The following AMBP variants were observed in gnomAD, a reference collection of about 807,000 sequenced individuals.
AMBP encodes the protein alpha-1-microglobulin/bikunin precursor, also known as protein AMBP.
Under a neutral mutation model 46.3 loss-of-function variants are expected in AMBP, and 37 were observed. The ratio of observed to expected loss-of-function variants is 0.80; its 90% CI spans 0.61 to 1.05. The LOEUF is 1.05. Among genes scored for constraint, AMBP ranks in the 50% least tolerant of loss-of-function variants. The pLI is 0.00. For missense variants in AMBP, 475 were observed against 461.2 expected, an observed-to-expected ratio of 1.03 and a Z score of -0.27; for synonymous variants, 174 against 175.9, an observed-to-expected ratio of 0.99 and a Z score of 0.09.
chr9:114,076,538 C>A, intron 2 of AMBP, 60 bp downstream of exon 2: 3 of 1,589,730 alleles, frequency 1.9e-6, no homozygotes, highest in South Asian at 2.3e-5. Context: ...ATGGACGGGG[C>A]TGGGAAGGTT....
chr9:114,060,273 G>C lies in AMBP; in HGVS notation c.1028-3C>G. 1.2e-6 allele frequency: 2 copies of C among 1,613,266 alleles called. No individual in the cohort carries two copies. The highest frequency in any genetic ancestry group is 1.7e-6 in the Non-Finnish European group (2 of 1,179,696). On this transcript the variant is annotated splice_polypyrimidine_tract_variant and splice_region_variant and intron_variant, in intron 9 of 9. Coordinates refer to ENST00000265132, the MANE Select transcript of AMBP (RefSeq NM_001633.4). ...GAAGCGCAGCAGCTCCTCATCACCT[G>C]TGGACACAGAGAGACTCAGGGAGGG...
At chr9:114,073,999 T>A (rs1846774234) in intron 4 of AMBP, 37 bp downstream of exon 4, 1 of 1,592,666 alleles carries the variant, frequency 6.3e-7, no homozygotes, top group South Asian at 1.1e-5. Context: ...CCTCCCACCC[T>A]TAACTCCAAT....
chr9:114,060,294 G>T, intron 9 of AMBP, 24 bp from the exon 10 acceptor site: 1 of 1,612,486 alleles, frequency 6.2e-7, no homozygotes, highest in Non-Finnish European at 8.5e-7. Context: ...GAGACTCAGG[G>T]AGGGGTCCGT....
intron 2 of AMBP, among the ~76,000 whole-genome samples, 183 bp downstream of exon 2, chr9:114,076,415 C>T (rs1846807598): frequency 6.6e-6 from 1 of 152,050 alleles, no homozygotes; most frequent in Admixed American, 6.5e-5. Flanking sequence ...GGACACTGCC[C>T]TCGAGGAATA....
intron 1 of AMBP, among the ~76,000 whole-genome samples, chr9:114,076,977 G>A (rs1393385628): frequency 6.6e-6 from 1 of 152,126 alleles, no homozygotes; most frequent in Admixed American, 6.5e-5. Flanking sequence ...GCAGGTGTGC[G>A]GCTGGGGTCC....
Position 114,075,051 on chromosome 9 carries a change from A to G in AMBP, c.261-15T>C. On this transcript the variant is annotated splice_polypyrimidine_tract_variant and intron_variant, in intron 2 of 9. Transcript: ENST00000265132. Reference sequence around the variant, plus strand: ...AGACACCTTTCCTAGAAATGAACAAATCAAAAGGAAGGTCACTCCTGGTAG... The same window carrying G: ...AGACACCTTTCCTAGAAATGAACAAGTCAAAAGGAAGGTCACTCCTGGTAG... 1 of 1,611,384 alleles carries G rather than the reference A, an allele frequency of 6.2e-7. No homozygotes were observed. The highest frequency in any genetic ancestry group is 8.5e-7 in the Non-Finnish European group (1 of 1,177,588).
Position 114,062,705 on chromosome 9 carries a change from T to G in AMBP, c.657A>C (p.Gln219His), listed in dbSNP as rs745489298. Residue 219 changes from glutamine to histidine, a missense_variant, in exon 7 of 10, where the codon CAA becomes CAC. Gln to His is a conservative substitution (Grantham distance 24). This residue lies in a region of AMBP where 293 missense variants were observed against 276.9 expected (regional missense o/e 1.06). Transcript: ENST00000265132. ...PQEEEGSGGGQLVTEVTKKED... is the reference protein window; with the variant it reads ...PQEEEGSGGGHLVTEVTKKED... ...CTTTCTTGGTGACTTCAGTTACCAG[T>G]TGCCCACCCCCTGATCCTTCCTCTT... is the stretch of plus-strand genomic sequence containing the variant. The G allele has an allele frequency of 1.2e-5, 20 of 1,613,872 alleles. No homozygotes were observed. The highest frequency in any genetic ancestry group is 2.2e-5 in the East Asian group (1 of 44,890).
At chr9:114,060,392 C>A in intron 9 of AMBP, 122 bp from the exon 10 acceptor site, 1 of 1,064,786 alleles carries the variant, frequency 9.4e-7, no homozygotes. Context: ...AAAGGGTATT[C>A]CATGAAATGA....
intron 2 of AMBP, among the ~76,000 whole-genome samples, chr9:114,075,437 A>T (rs1052079922): frequency 6.6e-6 from 1 of 152,252 alleles, no homozygotes; most frequent in Admixed American, 6.5e-5. Flanking sequence ...AATGGGGATC[A>T]TGATAGTTTC....
intron 7 of AMBP, 54 bp downstream of exon 7, chr9:114,062,623 G>A (rs1846651882): frequency 6.4e-7 from 1 of 1,572,648 alleles, no homozygotes; most frequent in South Asian, 1.1e-5. Flanking sequence ...GCCAACTGTG[G>A]GCCCTTCCTT....
rs754363334 is a variant in AMBP at position 114,076,732 on chromosome 9, C to T, written c.126G>A (p.Gly42=). The T allele has an allele frequency of 1.2e-6, 2 of 1,614,026 alleles. No homozygotes were observed. The highest frequency in any genetic ancestry group is 4.5e-5 in the East Asian group (2 of 44,878). Reference sequence around the variant, plus strand: ...AACCGATGGCCAGGTTGTACCACTTCCCATAGATCTAGGAGGCAGGTGAGC... The same window carrying T: ...AACCGATGGCCAGGTTGTACCACTTTCCATAGATCTAGGAGGCAGGTGAGC... ...QENFNISRIY[G]KWYNLAIGST... is the part of the protein sequence containing the mutation. The change falls in exon 2 of 10, where the codon GGG becomes GGA. Residue 42 remains glycine, a synonymous_variant. Transcript: ENST00000265132.
At chr9:114,065,923 G>A (rs1219739688) in intron 6 of AMBP, among the ~76,000 whole-genome samples, 1 of 152,188 alleles carries the variant, frequency 6.6e-6, no homozygotes, top group Non-Finnish European at 1.5e-5. Context: ...AAGAGAAAGA[G>A]CCCAGCTGTG....
At position 114,060,981 on chromosome 9, in the gene AMBP, C is replaced by T; in HGVS notation, c.971G>A (p.Gly324Glu). ...CTCCTTCTCTGAGTAGAACTTGTTC[C>T]CGTTGCCCTGGCAGCCCCCGTAGGG... ...LFPYGGCQGN[G>E]NKFYSEKECR... Residue 324 changes from glycine to glutamate, a missense_variant, in exon 9 of 10, where the codon GGG (glycine) becomes GAG (glutamate). Physicochemically the swap from Gly to Glu is moderately conservative, Grantham distance 98. Transcript: ENST00000265132. 1 of 1,614,248 alleles carries T rather than the reference C, an allele frequency of 6.2e-7. No individual in the cohort carries two copies. The highest frequency in any genetic ancestry group is 8.5e-7 in the Non-Finnish European group (1 of 1,180,040).
At chr9:114,067,851 T>C (rs928724801) in intron 6 of AMBP, among the ~76,000 whole-genome samples, 4 of 152,144 alleles carry the variant, frequency 2.6e-5, no homozygotes, top group Admixed American at 2.0e-4. Flanking sequence ...GGAGAATTCA[T>C]GGACTGAAAC....
chr9:114,073,052 C>T (rs1251408467), intron 4 of AMBP, 26 bp from the exon 5 acceptor site: 2 of 1,597,924 alleles, frequency 1.3e-6, no homozygotes, highest in East Asian at 2.3e-5. Context: ...AGAGGAGACG[C>T]CTAGAACCAC....
chr9:114,062,696 A>G lies in AMBP; in HGVS notation c.666T>C (p.Thr222=). ...EEGSGGGQLV[T]EVTKKEDSCQ... ...CATTACCTTCTTTCTTGGTGACTTC[A>G]GTTACCAGTTGCCCACCCCCTGATC... The change falls in exon 7 of 10, where the codon ACT becomes ACC. Residue 222 remains threonine, a synonymous_variant. Transcript: ENST00000265132. 1 of 1,613,866 alleles carries G rather than the reference A, an allele frequency of 6.2e-7. No individual in the cohort carries two copies. The highest frequency in any genetic ancestry group is 8.5e-7 in the Non-Finnish European group (1 of 1,179,976).
intron 7 of AMBP, among the ~76,000 whole-genome samples, chr9:114,062,326 CCCGA>C (rs1382164055): frequency 6.6e-6 from 1 of 152,178 alleles, no homozygotes; most frequent in African/African-American, 2.4e-5. Flanking sequence ...CATGTCCCTC[CCCGA>C]CTTCCTCCTA....
At chr9:114,071,363 C>T (rs1287691872) in intron 5 of AMBP, among the ~76,000 whole-genome samples, 1 of 152,246 alleles carries the variant, frequency 6.6e-6, no homozygotes, top group East Asian at 1.9e-4. Context: ...ATGCTCAGGG[C>T]AGTGCTGACG....
chr9:114,069,775 A>G, intron 5 of AMBP, 30 bp from the exon 6 acceptor site: 1 of 1,613,356 alleles, frequency 6.2e-7, no homozygotes. Context: ...AGAGGAGTGA[A>G]TAACAGGACC....
Sources: allele counts gnomAD v4.1 joint callset (sites outside exome capture counted in the v4.1 genomes callset), GRCh38; gene constraint gnomAD v4.1.1; regional missense constraint gnomAD v4.1.1; transcripts MANE v1.5; gene names NCBI Gene and HGNC (gene_info 2026-07-23, HGNC 2026-07-21).